Variants in MALRD1 observed in about 807,000 individuals in gnomAD.
MALRD1 encodes the protein MAM and LDL-receptor class A domain-containing protein 1.
A neutral mutation model predicts 242.1 loss-of-function variants in MALRD1; 247 were observed. The observed-to-expected ratio is 1.02, with a 90% CI of 0.92 to 1.13. MALRD1 has a LOEUF of 1.13. Ranked by LOEUF, MALRD1 falls within the 50% of genes most tolerant of loss-of-function variation. The pLI is 0.00. For synonymous variants in MALRD1, 995 were observed against 866.6 expected (o/e 1.15, Z -2.60); for missense variants, 2,989 against 2,533.1 (o/e 1.18, Z -3.86).
chr10:19,198,961 A>G (rs1040799151), intron 14 of MALRD1, among the ~76,000 whole-genome samples: 5 of 152,228 alleles, frequency 3.3e-5, no homozygotes, highest in Admixed American at 3.3e-4. Context: ...TAACCATTAG[A>G]ATGCATGGAA....
chr10:19,357,898 G>C (rs1844705746), intron 26 of MALRD1, among the ~76,000 whole-genome samples: 1 of 151,990 alleles, frequency 6.6e-6, no homozygotes, highest in South Asian at 2.1e-4. Flanking sequence ...CAATTGAGCA[G>C]AATCTGGAAT....
chr10:19,312,863 A>C (rs1434279927), intron 21 of MALRD1, among the ~76,000 whole-genome samples: 2 of 151,530 alleles, frequency 1.3e-5, no homozygotes, highest in African/African-American at 2.4e-5. Context: ...AGTGTTAGAC[A>C]TGAGTAGAAA....
intron 32 of MALRD1, among the ~76,000 whole-genome samples, chr10:19,563,880 A>T (rs1836127947): frequency 6.7e-6 from 1 of 150,358 alleles, no homozygotes; most frequent in East Asian, 2.0e-4. Context: ...TGGATCTCTT[A>T]TGGCTGATAG....
chr10:19,235,898 G>A (rs974489399), intron 18 of MALRD1, among the ~76,000 whole-genome samples: 1 of 152,076 alleles, frequency 6.6e-6, no homozygotes, highest in East Asian at 1.9e-4. Flanking sequence ...GGACATCGAA[G>A]TGGAAATAAC....
rs1209771696 is a variant in MALRD1 at position 19,450,486 on chromosome 10, A to G, written c.5025A>G (p.Thr1675=). 6.5e-7 allele frequency: 1 copy of G among 1,542,404 alleles called. No individual in the cohort carries two copies. Among genetic ancestry groups the G allele is most frequent in the Admixed American group, 2.0e-5 (1 of 49,686 alleles). Residue 1675 remains threonine (T), a synonymous_variant, in exon 29 of 40, where the codon ACA becomes ACG. Transcript: ENST00000454679. ...AIDDIEFKNC[T]TVGEISELCP... is the part of the protein sequence containing the mutation. Reference sequence around the variant, plus strand: ...ATGATATTGAATTTAAAAACTGCACAACTGGTAAGTTTCCAGAAAGCACTT... The same window carrying G: ...ATGATATTGAATTTAAAAACTGCACGACTGGTAAGTTTCCAGAAAGCACTT...
intron 28 of MALRD1, among the ~76,000 whole-genome samples, chr10:19,434,384 A>G (rs1834265856): frequency 6.6e-6 from 1 of 152,124 alleles, no homozygotes; most frequent in African/African-American, 2.4e-5. Context: ...AGCTGTTTGC[A>G]AGATATTTCT....
intron 21 of MALRD1, among the ~76,000 whole-genome samples, chr10:19,286,894 T>C (rs937382850): frequency 2.3e-4 from 35 of 150,198 alleles, no homozygotes; most frequent in Non-Finnish European, 4.0e-4. Context: ...CCAATATCCT[T>C]GATGAACATT....
chr10:19,221,344 C>T (rs1837548760), intron 18 of MALRD1, among the ~76,000 whole-genome samples: 1 of 152,060 alleles, frequency 6.6e-6, no homozygotes, highest in Non-Finnish European at 1.5e-5. Context: ...CTTCATGGAA[C>T]ATTTTTCTTC....
At chr10:19,134,322 C>A (rs1409665882) in intron 9 of MALRD1, among the ~76,000 whole-genome samples, 1 of 152,132 alleles carries the variant, frequency 6.6e-6, no homozygotes, top group African/African-American at 2.4e-5. Context: ...TAATTCATAT[C>A]TTTATAACAC....
At chr10:19,383,180 C>CTT (rs1416070117) in intron 26 of MALRD1, among the ~76,000 whole-genome samples, 1 of 152,068 alleles carries the variant, frequency 6.6e-6, no homozygotes, top group Non-Finnish European at 1.5e-5. Flanking sequence ...TGATAGGTAG[C>CTT]TTTTTGATCT....
chr10:19,351,979 A>C (rs1219450638), intron 25 of MALRD1, 27 bp from the exon 26 acceptor site: 2 of 1,480,914 alleles, frequency 1.4e-6, no homozygotes, highest in South Asian at 2.4e-5. Context: ...ATCATATCGT[A>C]TGTAATATTC....
chr10:19,651,268 T>A (rs76976261), intron 36 of MALRD1, among the ~76,000 whole-genome samples: 139 of 152,312 alleles, frequency 9.1e-4, no homozygotes, highest in African/African-American at 3.3e-3. Context: ...GACTGGAGCA[T>A]CCTTGAATAT....
At chr10:19,481,050 C>G (rs559579459) in intron 29 of MALRD1, among the ~76,000 whole-genome samples, 1 of 152,072 alleles carries the variant, frequency 6.6e-6, no homozygotes, top group Admixed American at 6.6e-5. Context: ...TTCTTTCAAC[C>G]AAGTATACAT....
intron 10 of MALRD1, among the ~76,000 whole-genome samples, chr10:19,137,603 G>A (rs369178270): frequency 0.011 from 1,251 of 116,794 alleles, 19 homozygotes; most frequent in African/African-American, 0.036. Context: ...GTGAGACTCC[G>A]TCTGAAAAAA....
Position 19,389,627 on chromosome 10 carries a change from G to A in MALRD1, c.4845+18G>A. ...TCATCAAGGTAGGAACATGGCCTGT[G>A]ATGCCTCTGAGCTTGTTTTGTTCTG... On this transcript the variant is annotated intron_variant, in intron 28 of 39. Coordinates refer to ENST00000454679, the MANE Select transcript of MALRD1 (RefSeq NM_001142308.3). The A allele has an allele frequency of 6.5e-7, 1 of 1,545,596 alleles. No individual in the cohort carries two copies. The highest frequency in any genetic ancestry group is 8.7e-7 in the Non-Finnish European group (1 of 1,144,700).
chr10:19,708,926 GTGC>G lies in MALRD1; in HGVS notation c.6314+16375_6314+16377del, dbSNP rs1463723123. ...GATCTGCCCGCCTCGGCCTCCCAAA[GTGC>G]TGGGATTACAGGCATGAGCCACCAC... On this transcript the variant is annotated intron_variant, in intron 38 of 39. Coordinates refer to ENST00000454679, the MANE Select transcript of MALRD1 (RefSeq NM_001142308.3). 4.1e-5 allele frequency among the ~76,000 whole-genome samples: 5 copies of G among 122,190 alleles called. 1 individual carries two copies. Among genetic ancestry groups the G allele is most frequent in the African/African-American group, 1.3e-4 (5 of 38,416 alleles). 80.2% of individuals were successfully genotyped at this position (122,190 alleles called of 152,430 possible). A position where few individuals can be genotyped will look rare whatever the true frequency, so the allele number is the denominator to read the frequency against.
intron 8 of MALRD1, among the ~76,000 whole-genome samples, chr10:19,132,215 A>G (rs1436796132): frequency 1.3e-5 from 2 of 152,230 alleles, no homozygotes; most frequent in Non-Finnish European, 2.9e-5. Context: ...AAAGTGGTGA[A>G]TGCAATTTGC....
At chr10:19,293,536 C>G (rs1269230634) in intron 21 of MALRD1, among the ~76,000 whole-genome samples, 1 of 151,948 alleles carries the variant, frequency 6.6e-6, no homozygotes, top group Non-Finnish European at 1.5e-5. Context: ...TGATTTTATT[C>G]AAAGATATTT....
chr10:19,565,138 T>C (rs1287349258), intron 32 of MALRD1, among the ~76,000 whole-genome samples: 1 of 152,024 alleles, frequency 6.6e-6, no homozygotes, highest in Non-Finnish European at 1.5e-5. Flanking sequence ...TTGGGATTAG[T>C]GGTAGGGTCA....
Sources: gnomAD v4.1 joint callset for allele counts (sites outside exome capture counted in the v4.1 genomes callset) on GRCh38, gnomAD v4.1.1 for gene constraint, MANE v1.5 for transcripts, NCBI Gene and HGNC (gene_info 2026-07-23, HGNC 2026-07-21) for gene names.